The following STRBP variants were observed in gnomAD, a reference collection of about 807,000 sequenced individuals.
The protein encoded by STRBP is spermatid perinuclear RNA binding protein.
A neutral mutation model predicts 80.1 loss-of-function variants in STRBP; 13 were observed. The ratio of observed to expected loss-of-function variants is 0.16; its 90% CI spans 0.11 to 0.26. The LOEUF is 0.26. STRBP is among the 10% of genes least tolerant of loss of function. The pLI is 1.00. For missense variants in STRBP, 485 were observed against 815.2 expected, an observed-to-expected ratio of 0.59 and a Z score of 4.93; for synonymous variants, 284 against 291.2, an observed-to-expected ratio of 0.98 and a Z score of 0.25.
chr9:123,221,361 T>C (rs1293815999), intron 2 of STRBP, among the ~76,000 whole-genome samples: 1 of 152,246 alleles, frequency 6.6e-6, no homozygotes, highest in African/African-American at 2.4e-5. Flanking sequence ...CCAGCTGATG[T>C]GTCCTCAGAC....
intron 2 of STRBP, among the ~76,000 whole-genome samples, chr9:123,204,991 C>T (rs1261843938): frequency 1.3e-5 from 2 of 150,084 alleles, no homozygotes; most frequent in East Asian, 2.0e-4. Flanking sequence ...CGGCCAGGCA[C>T]GGTAGCTCAC....
chr9:123,259,998 G>A (rs557657540), intron 1 of STRBP, among the ~76,000 whole-genome samples: 23 of 152,134 alleles, frequency 1.5e-4, no homozygotes, highest in East Asian at 3.8e-4. Context: ...AGTGGTTTCC[G>A]GAGAGAACAT....
At position 123,122,673 on chromosome 9, in the gene STRBP, G is replaced by A; in HGVS notation, c.*2924C>T. On this transcript the variant is annotated 3_prime_UTR_variant, in exon 19 of 19. Coordinates refer to ENST00000348403, the MANE Select transcript of STRBP (RefSeq NM_018387.5). Reference sequence around the variant, plus strand: ...CCTGCAGCCTGAAGAAACACAAGCTGCAAGCCACATCCCTGGCTAGGGGCC... The same window carrying A: ...CCTGCAGCCTGAAGAAACACAAGCTACAAGCCACATCCCTGGCTAGGGGCC... 9.9e-7 allele frequency: 1 copy of A among 1,014,364 alleles called. No individual in the cohort carries two copies. Among genetic ancestry groups the A allele is most frequent in the Non-Finnish European group, 1.2e-6 (1 of 848,824 alleles). 62.8% of individuals were successfully genotyped at this position (1,014,364 alleles called of 1,614,324 possible). A position where few individuals can be genotyped will look rare whatever the true frequency, so the allele number is the denominator to read the frequency against.
rs1046047890 is a variant in STRBP at position 123,124,169 on chromosome 9, C to T, written c.*1428G>A. 3.0e-6 allele frequency: 3 copies of T among 985,300 alleles called. No homozygotes were observed. Among genetic ancestry groups the T allele is most frequent in the Admixed American group, 6.1e-5 (1 of 16,264 alleles). 61.0% of individuals were successfully genotyped at this position (985,300 alleles called of 1,614,324 possible). ...TTTGCCATATTTTGTGAAGCCCATT[C>T]TCATGGATGGGCCCTGTCAAGTTCC... On this transcript the variant is annotated 3_prime_UTR_variant, in exon 19 of 19. Transcript: ENST00000348403.
intron 2 of STRBP, among the ~76,000 whole-genome samples, chr9:123,222,606 C>T (rs891368080): frequency 1.3e-5 from 2 of 152,128 alleles, no homozygotes; most frequent in Non-Finnish European, 2.9e-5. Context: ...GTACTATGAA[C>T]AATTCTACGG....
At chr9:123,267,773 G>T (rs568835848) in intron 1 of STRBP, among the ~76,000 whole-genome samples, 89 of 144,358 alleles carry the variant, frequency 6.2e-4, no homozygotes, top group African/African-American at 2.2e-3. Flanking sequence ...GCTCCTTCCA[G>T]TCCTGCTCGA....
rs1258144664 is a variant in STRBP at position 123,233,925 on chromosome 9, G to A, written c.-165+2905C>T. Among the ~76,000 whole-genome samples, 8 of 152,170 alleles carry A rather than the reference G, an allele frequency of 5.3e-5. No individual in the cohort carries two copies. In the East Asian group the frequency reaches 1.5e-3, roughly 29 times the overall value. ...CAATTAAAATGTAAAACTAGGCCGG[G>A]CGCGGTGGCTCACGCCTGTAATACC... On this transcript the variant is annotated intron_variant, in intron 2 of 18. Transcript: ENST00000348403.
At chr9:123,192,476 C>A (rs984932597) in intron 2 of STRBP, among the ~76,000 whole-genome samples, 2 of 152,168 alleles carry the variant, frequency 1.3e-5, no homozygotes, top group African/African-American at 2.4e-5. Context: ...TGCAGTGACA[C>A]AGGCCTATAG....
intron 2 of STRBP, among the ~76,000 whole-genome samples, chr9:123,189,590 C>T (rs1054890684): frequency 6.6e-6 from 1 of 151,914 alleles, no homozygotes; most frequent in Non-Finnish European, 1.5e-5. Context: ...AGTAAACTAT[C>T]ACAAGGACAG....
At chr9:123,142,125 T>G (rs917569400) in intron 13 of STRBP, among the ~76,000 whole-genome samples, 2 of 152,144 alleles carry the variant, frequency 1.3e-5, no homozygotes, top group Admixed American at 1.3e-4. Flanking sequence ...ATGGTTTGTG[T>G]CCCCACCCAA....
At chr9:123,158,989 C>T (rs934869401) in intron 9 of STRBP, 107 bp downstream of exon 9, 5 of 820,398 alleles carry the variant, frequency 6.1e-6, no homozygotes, top group South Asian at 1.7e-5. Context: ...CAAAAGAACT[C>T]CTATGCATCA....
At position 123,115,190 on chromosome 9, in the gene STRBP, A is replaced by G. The variant is rs749332531; in HGVS notation, c.*84+739T>C. Reference sequence around the variant, plus strand: ...ACAGCAAGGCCCTTCACACTCCCCAAGTGGGCACACTCTCTCTGTGCATGC... The same window carrying G: ...ACAGCAAGGCCCTTCACACTCCCCAGGTGGGCACACTCTCTCTGTGCATGC... On this transcript the variant is annotated intron_variant and NMD_transcript_variant, in intron 3 of 3. Coordinates refer to the STRBP transcript ENST00000471564. The surrounding 1 kb of genome is among the most constrained non-coding windows in gnomAD (Gnocchi z 5.0). 6.4e-6 allele frequency: 3 copies of G among 470,908 alleles called. No homozygotes were observed. The highest frequency in any genetic ancestry group is 1.3e-5 in the Non-Finnish European group (3 of 226,948). 29.2% of individuals were successfully genotyped at this position (470,908 alleles called of 1,614,324 possible).
At chr9:123,191,570 C>T (rs967574492) in intron 2 of STRBP, among the ~76,000 whole-genome samples, 2 of 152,036 alleles carry the variant, frequency 1.3e-5, no homozygotes, top group African/African-American at 2.4e-5. Context: ...GCAAATGTAG[C>T]CATACATGAT....
At chr9:123,214,923 T>C (rs2039843922) in intron 2 of STRBP, among the ~76,000 whole-genome samples, 1 of 152,168 alleles carries the variant, frequency 6.6e-6, no homozygotes, top group African/African-American at 2.4e-5. Context: ...TGCTTCGCAT[T>C]ATAGTTTCTG....
chr9:123,158,708 GC>G (rs2037397680), intron 9 of STRBP, among the ~76,000 whole-genome samples: 1 of 152,062 alleles, frequency 6.6e-6, no homozygotes, highest in South Asian at 2.1e-4. Context: ...CAATGAATCA[GC>G]CCAAATCTTA....
At chr9:123,164,985 A>G (rs369650476) in intron 6 of STRBP, among the ~76,000 whole-genome samples, 1 of 152,164 alleles carries the variant, frequency 6.6e-6, no homozygotes, top group African/African-American at 2.4e-5. Context: ...CAGTGCCTAA[A>G]AGTTTGCCCT....
chr9:123,162,305 A>G lies in STRBP; in HGVS notation c.536-1237T>C, dbSNP rs566674840. Among the ~76,000 whole-genome samples, 7 of 151,660 alleles carry G rather than the reference A, an allele frequency of 4.6e-5. No homozygotes were observed. The East Asian group carries it at 5.8e-4, about 13-fold the overall frequency. ...ACTGGCACGATCTCAGCTCACTGCA[A>G]CCTCTTCCTCCCAGGCTCAAGCGAT... On this transcript the variant is annotated intron_variant, in intron 6 of 18. Coordinates refer to ENST00000348403, the MANE Select transcript of STRBP (RefSeq NM_018387.5).
intron 3 of STRBP, among the ~76,000 whole-genome samples, chr9:123,183,197 G>C (rs2038559957): frequency 1.3e-5 from 2 of 151,946 alleles, no homozygotes; most frequent in Admixed American, 1.3e-4. Context: ...CAGCACTTTG[G>C]GAGGCTGAGG....
At chr9:123,146,146 C>T (rs1301615722) in intron 13 of STRBP, among the ~76,000 whole-genome samples, 3 of 151,974 alleles carry the variant, frequency 2.0e-5, no homozygotes, top group Non-Finnish European at 4.4e-5. Context: ...TGAATCTGAT[C>T]TTCAGTCTAC....
Sources: gnomAD v4.1 joint callset for allele counts (sites outside exome capture counted in the v4.1 genomes callset) on GRCh38, gnomAD v4.1.1 for gene constraint, Gnocchi (gnomAD v3.1) non-coding constraint, MANE v1.5 for transcripts, NCBI Gene and HGNC (gene_info 2026-07-23, HGNC 2026-07-21) for gene names.